Variants in CFHR1 observed in about 807,000 individuals in gnomAD.
CFHR1 encodes the protein complement factor H related 1.
Under a neutral mutation model 30.4 loss-of-function variants are expected in CFHR1, and 22 were observed. The ratio of observed to expected loss-of-function variants is 0.72; its 90% confidence interval spans 0.52 to 1.03. The LOEUF (loss-of-function observed/expected upper bound fraction) is 1.03. CFHR1 is among the 50% of genes least tolerant of loss of function. The pLI is 0.00. For missense variants in CFHR1, 248 were observed against 380.6 expected (o/e 0.65, Z 2.90); for synonymous variants, 95 against 129.1 (o/e 0.74, Z 1.79).
At position 196,823,095 on chromosome 1, in the gene CFHR1, ATATATATGTGTGTGTGTG is replaced by A. The variant is rs1156744623; in HGVS notation, c.59-2380_59-2363del. On this transcript the variant is annotated intron_variant, in intron 1 of 5. Coordinates refer to ENST00000320493, the MANE Select transcript of CFHR1 (RefSeq NM_002113.3). ...TAACTGTACGACTGTATATATATAT[ATATATATGTGTGTGTGTG>A]TGTGTGTGTGTGTGTGTGTGTATCC... Among the ~76,000 whole-genome samples the A allele has an allele frequency of 2.7e-3, 128 of 46,938 alleles. 18 individuals carry two copies. In the East Asian group the frequency reaches 0.088, roughly 32 times the overall value. 30.8% of individuals were successfully genotyped at this position (46,938 alleles called of 152,430 possible).
At chr1:196,822,569 C>T (rs1454715589) in intron 1 of CFHR1, among the ~76,000 whole-genome samples, 2 of 133,316 alleles carry the variant, frequency 1.5e-5, no homozygotes, top group Non-Finnish European at 3.1e-5. Context: ...ACATTAACCT[C>T]GGCCTACAAA....
At chr1:196,829,814 T>G (rs1655472925) in intron 4 of CFHR1, among the ~76,000 whole-genome samples, 1 of 135,524 alleles carries the variant, frequency 7.4e-6, no homozygotes, top group Admixed American at 7.1e-5. Flanking sequence ...CTCAGCTTCT[T>G]AAATATAAGT....
Position 196,828,007 on chromosome 1 carries a change from T to C in CFHR1, c.431-63T>C. The C allele has an allele frequency of 1.4e-6, 2 of 1,387,552 alleles. 1 individual carries two copies. Among genetic ancestry groups the C allele is most frequent in the Non-Finnish European group, 2.0e-6 (2 of 1,024,586 alleles). 86.0% of individuals were successfully genotyped at this position (1,387,552 alleles called of 1,614,324 possible). A position where few individuals can be genotyped will look rare whatever the true frequency, so the allele number is the denominator to read the frequency against. ...TCGTCTTGAAACATATTTGTAACTG[T>C]ATTAGTTGATTTGCTACTCAAAATG... On this transcript the variant is annotated intron_variant, in intron 3 of 5. Coordinates refer to ENST00000320493, the MANE Select transcript of CFHR1 (RefSeq NM_002113.3).
intron 1 of CFHR1, among the ~76,000 whole-genome samples, chr1:196,822,997 C>G (rs1655175406): frequency 7.5e-6 from 1 of 132,510 alleles, no homozygotes; most frequent in Admixed American, 7.3e-5. Context: ...AATTTTTCAG[C>G]TACACTATAA....
intron 5 of CFHR1, among the ~76,000 whole-genome samples, chr1:196,830,909 C>CCT (rs1655529970): frequency 7.4e-6 from 1 of 134,318 alleles, no homozygotes; most frequent in African/African-American, 3.2e-5. Context: ...GGGCAGATCA[C>CCT]GAGGTCAGGA....
rs397832271 is a variant in CFHR1, at chr1:196,832,013, A to G, written c.*14A>G. ...GCAAAAAGATAGAATCAATCATAAA[A>G]TGCACACCTTTATTCAGAACTTTAG... is the stretch of plus-strand genomic sequence containing the variant. On this transcript the variant is annotated 3_prime_UTR_variant, in exon 6 of 6. Coordinates refer to ENST00000320493, the MANE Select transcript of CFHR1 (RefSeq NM_002113.3). The G allele has an allele frequency of 4.2e-5, 64 of 1,512,490 alleles. 13 individuals are homozygous for G. The highest frequency in any genetic ancestry group is 3.6e-5 in the Non-Finnish European group (40 of 1,118,908). The allele number at this position is 1,512,490 out of a possible 1,614,324, so 93.7% of individuals were successfully genotyped here. A position where few individuals can be genotyped will look rare whatever the true frequency, so the allele number is the denominator to read the frequency against.
In CFHR1 at chr1:196,826,971, G is replaced by C. The variant is rs1435005282; in HGVS notation, c.396G>C (p.Arg132=). Residue 132 remains arginine, a synonymous_variant, in exon 3 of 6, where the codon CGG becomes CGC. Transcript: ENST00000320493. ...NNENNISCVE[R]GWSTPPKCRS... ...AGAACAACATTTCATGTGTAGAACG[G>C]GGCTGGTCCACCCCTCCCAAATGCA... is the stretch of plus-strand genomic sequence containing the variant. The C allele has an allele frequency of 6.6e-7, 1 of 1,522,508 alleles. No individual in the cohort carries two copies. Among genetic ancestry groups the C allele is most frequent in the Admixed American group, 1.7e-5 (1 of 57,702 alleles). 94.3% of individuals were successfully genotyped at this position (1,522,508 alleles called of 1,614,324 possible).
rs1655591911 is a variant in CFHR1, at chr1:196,832,111, T to C, written c.*112T>C. 2.8e-6 allele frequency: 3 copies of C among 1,070,270 alleles called. 1 individual carries two copies. Among genetic ancestry groups the C allele is most frequent in the Non-Finnish European group, 1.3e-6 (1 of 748,812 alleles). The allele number at this position is 1,070,270 out of a possible 1,614,324, so 66.3% of individuals were successfully genotyped here. On this transcript the variant is annotated 3_prime_UTR_variant, in exon 6 of 6. Transcript: ENST00000320493. ...TTTATTCATACGTAAAATTTTGGAT[T>C]AATTTGTGAAAATGTAATTATAAGC...
intron 5 of CFHR1, 86 bp downstream of exon 5, chr1:196,830,768 A>ATT: frequency 4.1e-6 from 6 of 1,448,576 alleles, no homozygotes; most frequent in Non-Finnish European, 5.6e-6. Flanking sequence ...ATCACAGATT[A>ATT]TTGAACAACC....
intron 4 of CFHR1, among the ~76,000 whole-genome samples, chr1:196,829,533 T>A (rs1189697241): frequency 7.4e-6 from 1 of 134,574 alleles, no homozygotes; most frequent in African/African-American, 3.2e-5. Context: ...TTGGTTTCCC[T>A]TTCTCTGAGA....
At chr1:196,831,150 A>G (rs1256123249) in intron 5 of CFHR1, among the ~76,000 whole-genome samples, 2 of 135,582 alleles carry the variant, frequency 1.5e-5, no homozygotes, top group Admixed American at 1.4e-4. Context: ...CAACACAAAA[A>G]AGTAATTTTT....
At chr1:196,825,426 T>A in intron 1 of CFHR1, 51 bp from the exon 2 acceptor site, 5 of 1,222,004 alleles carry the variant, frequency 4.1e-6, no homozygotes, top group Non-Finnish European at 5.7e-6. Context: ...ATCTAGTGAT[T>A]TATTTATGTA....
intron 1 of CFHR1, among the ~76,000 whole-genome samples, chr1:196,823,767 G>A (rs10801569): frequency 0.25 from 33,268 of 133,698 alleles, 8,654 homozygotes; most frequent in East Asian, 0.41. Flanking sequence ...AGCTAAATAC[G>A]TACTCAAAGA....
Position 196,830,701 on chromosome 1 carries a change from A to G in CFHR1, c.790+19A>G, listed in dbSNP as rs569772568. The G allele has an allele frequency of 4.2e-5, 64 of 1,520,968 alleles. 15 individuals carry two copies. The South Asian group carries it at 7.5e-4, about 18-fold the overall frequency. 94.2% of individuals were successfully genotyped at this position (1,520,968 alleles called of 1,614,324 possible). A position where few individuals can be genotyped will look rare whatever the true frequency, so the allele number is the denominator to read the frequency against. ...TGCTTACGTAAGTACTTTAATATTC[A>G]CGTGGCTGGAAAAATCAGTGTGATG... On this transcript the variant is annotated intron_variant, in intron 5 of 5. Transcript: ENST00000320493.
intron 1 of CFHR1, among the ~76,000 whole-genome samples, chr1:196,823,022 T>G: frequency 7.5e-6 from 1 of 133,198 alleles, no homozygotes; most frequent in Admixed American, 7.3e-5. Context: ...ATGGGTCCAC[T>G]GTCATATAAG....
chr1:196,827,680 G>T lies in CFHR1; in HGVS notation c.431-390G>T, dbSNP rs1408332294. Among the ~76,000 whole-genome samples the T allele has an allele frequency of 1.5e-5, 2 of 132,978 alleles. 1 individual carries two copies. Among genetic ancestry groups the T allele is most frequent in the Non-Finnish European group, 3.1e-5 (2 of 63,722 alleles). The allele number at this position is 132,978 out of a possible 152,430, so 87.2% of individuals were successfully genotyped here. On this transcript the variant is annotated intron_variant, in intron 3 of 5. Transcript: ENST00000320493. ...GCAGGATGATTGCAAACAAAAATCT[G>T]GTATCACATAATCTATTTATGCTGA...
rs1655591206 is a variant in CFHR1, at chr1:196,832,096, C to T, written c.*97C>T. On this transcript the variant is annotated 3_prime_UTR_variant, in exon 6 of 6. Transcript: ENST00000320493. ...ATTGTTTTACTCCTTTTTATTCATA[C>T]GTAAAATTTTGGATTAATTTGTGAA... 24 of 1,202,684 alleles carry T rather than the reference C, an allele frequency of 2.0e-5. 2 individuals carry two copies. The highest frequency in any genetic ancestry group is 4.6e-5 in the South Asian group (3 of 65,614). The allele number at this position is 1,202,684 out of a possible 1,614,324, so 74.5% of individuals were successfully genotyped here. A position where few individuals can be genotyped will look rare whatever the true frequency, so the allele number is the denominator to read the frequency against.
Position 196,826,714 on chromosome 1 carries a change from C to T in CFHR1, c.254-115C>T, listed in dbSNP as rs111662284. ...ATCCACTCGCCTCAGCCTCCCAAAG[C>T]GCAGAGATTACCAGAGTGAGCCACT... On this transcript the variant is annotated intron_variant, in intron 2 of 5. Transcript: ENST00000320493. 134,204 of 1,018,780 alleles carry T rather than the reference C, an allele frequency of 0.13. 21,495 individuals are homozygous for T. Among genetic ancestry groups the T allele is most frequent in the Middle Eastern group, 0.18 (484 of 2,706 alleles). The allele number at this position is 1,018,780 out of a possible 1,614,324, so 63.1% of individuals were successfully genotyped here.
rs1455233012 is a variant in CFHR1 at position 196,825,626 on chromosome 1, A to G, written c.208A>G (p.Ile70Val). The change falls in exon 2 of 6, where the codon ATA becomes GTA. Residue 70 changes from isoleucine to valine, a missense_variant. Coordinates refer to ENST00000320493, the MANE Select transcript of CFHR1 (RefSeq NM_002113.3). Reference sequence around the variant, plus strand: ...TCCTTCAAAATCATTTTGGACTCGCATAACATGCACAGAAGAAGGATGGTC... The same window carrying G: ...TCCTTCAAAATCATTTTGGACTCGCGTAACATGCACAGAAGAAGGATGGTC... ...VSPSKSFWTR[I>V]TCTEEGWSPT... The G allele has an allele frequency of 8.5e-6, 13 of 1,525,150 alleles. 3 individuals carry two copies. Among genetic ancestry groups the G allele is most frequent in the African/African-American group, 3.4e-5 (2 of 58,452 alleles). 94.5% of individuals were successfully genotyped at this position (1,525,150 alleles called of 1,614,324 possible). A position where few individuals can be genotyped will look rare whatever the true frequency, so the allele number is the denominator to read the frequency against.
Sources: gnomAD v4.1 joint callset for allele counts (sites outside exome capture counted in the v4.1 genomes callset) on GRCh38, gnomAD v4.1.1 for gene constraint, MANE v1.5 for transcripts, NCBI Gene and HGNC (gene_info 2026-07-23, HGNC 2026-07-21) for gene names.